NUP62CL: variants seen among roughly 807,000 people sequenced by gnomAD.
The protein encoded by NUP62CL is nucleoporin-62 C-terminal-like protein.
Under a neutral mutation model 15.3 loss-of-function variants are expected in NUP62CL, and 13 were observed. The ratio of observed to expected loss-of-function variants is 0.85; its 90% confidence interval spans 0.55 to 1.35. The LOEUF is 1.35. Ranked by LOEUF, NUP62CL falls within the 40% of genes most tolerant of loss-of-function variation. NUP62CL has a pLI of 0.00. For missense variants in NUP62CL, 123 were observed against 130.6 expected (o/e 0.94, Z 0.28); for synonymous variants, 54 against 49.2 (o/e 1.10, Z -0.41).
At chrX:107,174,865 A>C (rs749070508) in intron 3 of NUP62CL, among the ~76,000 whole-genome samples, 1 of 112,447 alleles carries the variant, frequency 8.9e-6, no homozygotes, top group Non-Finnish European at 1.9e-5. Flanking sequence ...TTATATGCTT[A>C]AAGTTAGCAT....
intron 4 of NUP62CL, among the ~76,000 whole-genome samples, chrX:107,165,814 T>C (rs1449026280): frequency 8.9e-6 from 1 of 111,769 alleles, no homozygotes; most frequent in East Asian, 2.8e-4. Context: ...GAAGATAGTC[T>C]TTCAATAAAT....
intron 3 of NUP62CL, among the ~76,000 whole-genome samples, chrX:107,171,247 G>T (rs886632985): frequency 6.3e-5 from 7 of 111,838 alleles, no homozygotes; most frequent in African/African-American, 2.3e-4. Flanking sequence ...AAATACACTT[G>T]AAGAGAAAGA....
At chrX:107,137,450 C>T (rs1438432480) in intron 8 of NUP62CL, among the ~76,000 whole-genome samples, 1 of 111,368 alleles carries the variant, frequency 9.0e-6, no homozygotes, top group Non-Finnish European at 1.9e-5. Flanking sequence ...AGAAATAATA[C>T]TCTATTTGCA....
chrX:107,204,044 C>CT (rs1035001166), intron 1 of NUP62CL, among the ~76,000 whole-genome samples: 15 of 108,796 alleles, frequency 1.4e-4, no homozygotes, highest in East Asian at 5.8e-4. Flanking sequence ...CACCATTATT[C>CT]TTTTTTTTTA....
chrX:107,192,335 G>T (rs1927263491), intron 2 of NUP62CL, among the ~76,000 whole-genome samples: 1 of 112,044 alleles, frequency 8.9e-6, no homozygotes, highest in Non-Finnish European at 1.9e-5. Context: ...AATCTCAGCT[G>T]CCTTCAATTT....
chrX:107,169,085 A>G (rs1405244411), intron 3 of NUP62CL, among the ~76,000 whole-genome samples: 1 of 112,331 alleles, frequency 8.9e-6, no homozygotes, highest in Non-Finnish European at 1.9e-5. Flanking sequence ...AATATGAGTC[A>G]GAATTTCATT....
chrX:107,153,806 G>T (rs1439478848), intron 5 of NUP62CL, among the ~76,000 whole-genome samples: 1 of 110,682 alleles, frequency 9.0e-6, no homozygotes, highest in East Asian at 2.9e-4. Flanking sequence ...TATCCCTACT[G>T]AAAAAACACA....
intron 8 of NUP62CL, among the ~76,000 whole-genome samples, chrX:107,135,689 G>T (rs988804921): frequency 4.5e-5 from 5 of 111,316 alleles, no homozygotes; most frequent in Non-Finnish European, 3.8e-5. Context: ...TTAGCTGGGC[G>T]CGTTGGCAAA....
chrX:107,166,768 G>A (rs1308037271), intron 4 of NUP62CL, among the ~76,000 whole-genome samples: 3 of 111,214 alleles, frequency 2.7e-5, no homozygotes, highest in Non-Finnish European at 5.7e-5. Flanking sequence ...TGATGCACAC[G>A]ACAACTTGGG....
chrX:107,161,667 C>G (rs1926378443), intron 4 of NUP62CL, among the ~76,000 whole-genome samples: 1 of 62,776 alleles, frequency 1.6e-5, no homozygotes. Context: ...GGAGATATAC[C>G]TAATGCTAGA....
Position 107,153,266 on chromosome X carries a change from C to A in NUP62CL, c.436G>T (p.Glu146Ter), listed in dbSNP as rs1926092677. 8.3e-7 allele frequency: 1 copy of A among 1,206,189 alleles called. No individual in the cohort carries two copies. Among genetic ancestry groups the A allele is most frequent in the African/African-American group, 1.8e-5 (1 of 56,927 alleles). Residue 146 changes from glutamate to a stop codon, truncating the protein, a stop_gained, in exon 7 of 9, where the codon GAA (glutamate) becomes TAA (stop). Transcript: ENST00000372466. LOFTEE classifies it high-confidence loss of function. ...AAATAAGTCAACAGAAATTCTAGTT[C>A]CTGCTGCTGTGACAGGATAAAATCC... ...ELDFILSQQQELEFLLTYLEE... is the reference protein window; with the variant it reads ...ELDFILSQQQ
At chrX:107,203,551 T>A (rs1387789213) in intron 1 of NUP62CL, among the ~76,000 whole-genome samples, 1 of 111,165 alleles carries the variant, frequency 9.0e-6, no homozygotes, top group African/African-American at 3.3e-5. Context: ...TGGCTACATC[T>A]CCCTTTTCAA....
chrX:107,150,226 T>C (rs1464216841), intron 7 of NUP62CL, among the ~76,000 whole-genome samples: 1 of 111,586 alleles, frequency 9.0e-6, no homozygotes, highest in Non-Finnish European at 1.9e-5. Flanking sequence ...TAAACAAATA[T>C]GTAAAAAGAA....
intron 2 of NUP62CL, among the ~76,000 whole-genome samples, chrX:107,176,410 CA>C (rs1203870202): frequency 9.1e-6 from 1 of 110,214 alleles, no homozygotes; most frequent in Non-Finnish European, 1.9e-5. Flanking sequence ...GAAGCCAGAC[CA>C]AAAAAACAAA....
intron 8 of NUP62CL, among the ~76,000 whole-genome samples, chrX:107,128,320 G>A (rs1248518557): frequency 8.9e-6 from 1 of 111,950 alleles, no homozygotes; most frequent in Non-Finnish European, 1.9e-5. Context: ...AATGTAGAAT[G>A]TTTAATAACA....
chrX:107,170,647 C>T (rs189556787), intron 3 of NUP62CL, among the ~76,000 whole-genome samples: 1,197 of 110,977 alleles, frequency 0.011, 7 homozygotes, highest in Middle Eastern at 0.023. Flanking sequence ...CTCCTGACCT[C>T]GTGATCCACC....
At chrX:107,145,826 C>G (rs191508483) in intron 8 of NUP62CL, among the ~76,000 whole-genome samples, 2 of 110,999 alleles carry the variant, frequency 1.8e-5, no homozygotes, top group South Asian at 7.6e-4. Flanking sequence ...TTGCTTGCTT[C>G]GAATTTTTTT....
intron 8 of NUP62CL, among the ~76,000 whole-genome samples, chrX:107,135,089 G>T (rs1049204626): frequency 9.0e-6 from 1 of 111,365 alleles, no homozygotes; most frequent in African/African-American, 3.3e-5. Flanking sequence ...AAAGCTTATT[G>T]TTTCCCCCTT....
intron 3 of NUP62CL, among the ~76,000 whole-genome samples, chrX:107,169,696 G>C (rs1355962474): frequency 2.7e-5 from 3 of 111,521 alleles, no homozygotes; most frequent in Non-Finnish European, 5.6e-5. Context: ...AATCTTACCT[G>C]AAAGGAAAAC....
Sources: allele counts gnomAD v4.1 joint callset (sites outside exome capture counted in the v4.1 genomes callset), GRCh38; gene constraint gnomAD v4.1.1; transcripts MANE v1.5; gene names NCBI Gene and HGNC (gene_info 2026-07-23, HGNC 2026-07-21).